The following PRR5L variants were observed in gnomAD, a reference collection of about 807,000 sequenced individuals.
PRR5L encodes the protein proline-rich protein 5-like.
A neutral mutation model predicts 36.4 loss-of-function variants in PRR5L; 21 were observed. That is an observed-to-expected ratio of 0.58 (90% CI 0.41 to 0.83). The LOEUF is 0.83. Among genes scored for constraint, PRR5L ranks in the 40% least tolerant of loss-of-function variants. PRR5L has a pLI of 0.00. For synonymous variants in PRR5L, 188 were observed against 197.0 expected, an observed-to-expected ratio of 0.95 and a Z score of 0.38; for missense variants, 381 against 473.3, an observed-to-expected ratio of 0.80 and a Z score of 1.81.
intron 1 of PRR5L, among the ~76,000 whole-genome samples, chr11:36,336,321 C>T (rs10742370): frequency 0.59 from 88,954 of 151,984 alleles, 27,011 homozygotes; most frequent in East Asian, 0.87. Context: ...CCTCCTTCTC[C>T]TGGGCTCAAG....
At chr11:36,452,577 A>G (rs1411112675) in intron 8 of PRR5L, among the ~76,000 whole-genome samples, 1 of 152,160 alleles carries the variant, frequency 6.6e-6, no homozygotes, top group Non-Finnish European at 1.5e-5. Context: ...CAGAGTTTCA[A>G]TGACACTGAA....
intron 1 of PRR5L, among the ~76,000 whole-genome samples, chr11:36,332,641 G>A (rs1394690712): frequency 6.6e-6 from 1 of 152,132 alleles, no homozygotes; most frequent in Non-Finnish European, 1.5e-5. Context: ...AGGTGTTTTG[G>A]TCATGGGAGT....
chr11:36,416,883 C>T (rs1487586477), intron 3 of PRR5L, among the ~76,000 whole-genome samples: 2 of 152,112 alleles, frequency 1.3e-5, no homozygotes, highest in East Asian at 3.9e-4. Flanking sequence ...TTTTCTGCAT[C>T]CCGCTGTGAG....
chr11:36,311,191 T>C (rs1590430180), intron 1 of PRR5L, among the ~76,000 whole-genome samples: 1 of 152,152 alleles, frequency 6.6e-6, no homozygotes, highest in South Asian at 2.1e-4. Context: ...TTAATTCTCA[T>C]TTTGTTCAGT....
At chr11:36,442,071 T>C (rs1472816413) in intron 6 of PRR5L, among the ~76,000 whole-genome samples, 6 of 152,164 alleles carry the variant, frequency 3.9e-5, no homozygotes. Flanking sequence ...TTCAATGCCT[T>C]TTTTAAACTC....
rs1859234632 is a variant in PRR5L at position 36,463,491 on chromosome 11, A to G, written c.*755A>G. On this transcript the variant is annotated 3_prime_UTR_variant, in exon 9 of 9. Coordinates refer to ENST00000530639, the MANE Select transcript of PRR5L (RefSeq NM_001160167.2). ...TCAAGCTCAAGGAACTCACCCCCAG[A>G]TAAGAAGCTGGTGCCTCTTGTCTCT... The G allele has an allele frequency of 6.6e-6, 1 of 152,472 alleles. No homozygotes were observed. Among genetic ancestry groups the G allele is most frequent in the Non-Finnish European group, 1.5e-5 (1 of 68,028 alleles). 9.4% of individuals were successfully genotyped at this position (152,472 alleles called of 1,614,324 possible).
chr11:36,357,868 G>A (rs868547206), intron 1 of PRR5L, among the ~76,000 whole-genome samples: 2 of 152,208 alleles, frequency 1.3e-5, no homozygotes, highest in South Asian at 4.1e-4. Context: ...TGATTTTCAA[G>A]TCTTATTATT....
intron 1 of PRR5L, among the ~76,000 whole-genome samples, chr11:36,312,183 T>G (rs1856510615): frequency 1.3e-5 from 2 of 152,196 alleles, no homozygotes; most frequent in Non-Finnish European, 2.9e-5. Flanking sequence ...ATATATTCCC[T>G]GTATCTACCT....
chr11:36,340,128 G>C (rs1025162604), intron 1 of PRR5L, among the ~76,000 whole-genome samples: 5 of 152,304 alleles, frequency 3.3e-5, no homozygotes, highest in Non-Finnish European at 7.4e-5. Context: ...GCAGTCTGGA[G>C]CCCCCCTGCT....
chr11:36,363,545 T>C (rs956308390), intron 1 of PRR5L, among the ~76,000 whole-genome samples: 1 of 152,218 alleles, frequency 6.6e-6, no homozygotes, highest in South Asian at 2.1e-4. Flanking sequence ...TCTTTTCTTT[T>C]CCCCTTCCTC....
chr11:36,422,712 G>A (rs1461575846), intron 4 of PRR5L, among the ~76,000 whole-genome samples: 6 of 152,156 alleles, frequency 3.9e-5, no homozygotes, highest in Admixed American at 3.9e-4. Context: ...CTTATCTCAT[G>A]CCTGCACACA....
intron 1 of PRR5L, among the ~76,000 whole-genome samples, chr11:36,346,812 G>A (rs1856870710): frequency 6.6e-6 from 1 of 152,178 alleles, no homozygotes; most frequent in African/African-American, 2.4e-5. Flanking sequence ...TAGTACATAG[G>A]ATGGGAATAG....
chr11:36,418,124 C>T (rs1428345830), intron 3 of PRR5L, among the ~76,000 whole-genome samples: 1 of 152,168 alleles, frequency 6.6e-6, no homozygotes, highest in Non-Finnish European at 1.5e-5. Flanking sequence ...TCCATCAGCC[C>T]CCAAGAAGAG....
At position 36,457,377 on chromosome 11, in the gene PRR5L, C is replaced by A. The variant is rs1476213746; in HGVS notation, c.713-4965C>A. On this transcript the variant is annotated intron_variant, in intron 8 of 8. Coordinates refer to ENST00000530639, the MANE Select transcript of PRR5L (RefSeq NM_001160167.2). ...ATCCCAGCACTTTGGGAGGCCAAGG[C>A]AGGCAGATCATGAGGTCAGGAATTC... 2.6e-5 allele frequency among the ~76,000 whole-genome samples: 4 copies of A among 152,256 alleles called. No individual in the cohort carries two copies. The East Asian group carries it at 7.7e-4, about 29-fold the overall frequency.
chr11:36,342,691 AC>A (rs1239647804), intron 1 of PRR5L, among the ~76,000 whole-genome samples: 2 of 151,970 alleles, frequency 1.3e-5, no homozygotes, highest in African/African-American at 4.8e-5. Context: ...GGGATGGGGC[AC>A]CCTTTCTGGT....
intron 1 of PRR5L, chr11:36,376,034 C>A: frequency 1.6e-6 from 1 of 637,964 alleles, no homozygotes. Flanking sequence ...CGGGGGTCGG[C>A]TGCAGATCTC....
At chr11:36,446,859 C>G (rs1282884893) in intron 7 of PRR5L, among the ~76,000 whole-genome samples, 1 of 152,188 alleles carries the variant, frequency 6.6e-6, no homozygotes, top group East Asian at 1.9e-4. Flanking sequence ...AGGAATGAGG[C>G]TGTCTCAGGC....
intron 1 of PRR5L, among the ~76,000 whole-genome samples, chr11:36,360,838 G>A (rs1857079142): frequency 6.6e-6 from 1 of 152,152 alleles, no homozygotes; most frequent in African/African-American, 2.4e-5. Flanking sequence ...ATATCACCCT[G>A]GTGTACACTA....
At chr11:36,388,806 C>G (rs530699978) in intron 1 of PRR5L, among the ~76,000 whole-genome samples, 2 of 150,926 alleles carry the variant, frequency 1.3e-5, no homozygotes, top group East Asian at 2.0e-4. Context: ...TCACGCCATT[C>G]TCCTGCCTCA....
Sources: gnomAD v4.1 joint callset for allele counts (sites outside exome capture counted in the v4.1 genomes callset) on GRCh38, gnomAD v4.1.1 for gene constraint, MANE v1.5 for transcripts, NCBI Gene and HGNC (gene_info 2026-07-23, HGNC 2026-07-21) for gene names.